The following PTPRT variants were observed in gnomAD, a reference collection of about 807,000 sequenced individuals.
PTPRT encodes the protein receptor-type tyrosine-protein phosphatase T.
In PTPRT, 56 loss-of-function variants were observed where a neutral mutation model predicts 176.8. The observed-to-expected ratio is 0.32, with a 90% CI of 0.26 to 0.40. The LOEUF (loss-of-function observed/expected upper bound fraction) is 0.40, where lower values mean the gene tolerates loss of function less well. PTPRT is among the 10% of genes least tolerant of loss of function. PTPRT has a pLI of 1.00. For missense variants in PTPRT, 1,540 were observed against 1,908.2 expected (o/e 0.81, Z 3.60); for synonymous variants, 783 against 739.0 (o/e 1.06, Z -0.96).
intron 1 of PTPRT, among the ~76,000 whole-genome samples, chr20:43,020,069 T>G (rs2146173863): frequency 6.7e-6 from 1 of 149,172 alleles, no homozygotes; most frequent in East Asian, 1.9e-4. Flanking sequence ...TCTCCCTCTC[T>G]TTCTATATAT....
At chr20:42,312,759 T>C (rs2145361382) in intron 12 of PTPRT, among the ~76,000 whole-genome samples, 1 of 150,672 alleles carries the variant, frequency 6.6e-6, no homozygotes, top group Middle Eastern at 3.5e-3. Context: ...TCTGAAGCAG[T>C]GTCAAAACTG....
At chr20:42,414,475 T>G (rs145172287) in intron 9 of PTPRT, among the ~76,000 whole-genome samples, 9 of 152,200 alleles carry the variant, frequency 5.9e-5, no homozygotes, top group African/African-American at 2.2e-4. Flanking sequence ...AAAACAGTTA[T>G]TATTTGCAGG....
chr20:42,822,591 A>G (rs1263533626), intron 2 of PTPRT, among the ~76,000 whole-genome samples: 6 of 152,220 alleles, frequency 3.9e-5, no homozygotes, highest in Non-Finnish European at 4.4e-5. Context: ...CAGCAAAAGA[A>G]ACTAGCATCA....
chr20:43,090,853 A>G (rs891590788), intron 1 of PTPRT, among the ~76,000 whole-genome samples: 8 of 152,186 alleles, frequency 5.3e-5, no homozygotes, highest in African/African-American at 1.7e-4. Context: ...TACCAAAAAT[A>G]TATATATACT....
At chr20:42,364,435 T>A (rs527711313) in intron 9 of PTPRT, among the ~76,000 whole-genome samples, 1 of 152,286 alleles carries the variant, frequency 6.6e-6, no homozygotes, top group Non-Finnish European at 1.5e-5. Context: ...TGTAAGAAAT[T>A]GTATTCGCCC....
chr20:42,565,912 A>G (rs1361099074), intron 7 of PTPRT, among the ~76,000 whole-genome samples: 1 of 151,826 alleles, frequency 6.6e-6, no homozygotes, highest in African/African-American at 2.4e-5. Context: ...TCTGCTTCAT[A>G]TACACTCCTA....
intron 7 of PTPRT, among the ~76,000 whole-genome samples, chr20:42,628,943 TTAGCAAGAAAG>T (rs1274480101): frequency 3.3e-5 from 5 of 152,162 alleles, no homozygotes; most frequent in African/African-American, 1.2e-4. Context: ...CCAGTAATAC[TTAGCAAGAAAG>T]TAGCAGAGTC....
intron 9 of PTPRT, among the ~76,000 whole-genome samples, chr20:42,405,161 C>T (rs2058948466): frequency 1.3e-5 from 2 of 150,582 alleles, no homozygotes; most frequent in South Asian, 4.2e-4. Context: ...TTCTGTTATA[C>T]AAGTGATTTC....
chr20:42,799,740 AT>A (rs961447379), intron 2 of PTPRT, among the ~76,000 whole-genome samples: 55 of 152,314 alleles, frequency 3.6e-4, no homozygotes, highest in Non-Finnish European at 7.5e-4. Context: ...CTATGCACCC[AT>A]TTTAACCACA....
At chr20:42,986,401 A>G (rs1450898152) in intron 1 of PTPRT, among the ~76,000 whole-genome samples, 2 of 152,158 alleles carry the variant, frequency 1.3e-5, no homozygotes, top group African/African-American at 4.8e-5. Flanking sequence ...GCGTTTGATG[A>G]AAATAGACCT....
At chr20:42,883,360 G>A (rs1237890153) in intron 2 of PTPRT, among the ~76,000 whole-genome samples, 1 of 152,070 alleles carries the variant, frequency 6.6e-6, no homozygotes, top group Non-Finnish European at 1.5e-5. Flanking sequence ...GAAGTAAAAT[G>A]GCAGAACAAA....
intron 7 of PTPRT, among the ~76,000 whole-genome samples, chr20:42,676,128 C>A (rs1458574785): frequency 6.6e-6 from 1 of 152,160 alleles, no homozygotes; most frequent in Admixed American, 6.5e-5. Flanking sequence ...GATTCTGGAG[C>A]ATTTTGGATT....
intron 1 of PTPRT, among the ~76,000 whole-genome samples, chr20:42,975,390 G>A (rs912932947): frequency 2.6e-5 from 4 of 152,008 alleles, no homozygotes; most frequent in African/African-American, 7.2e-5. Flanking sequence ...AAATACCACC[G>A]ATGATTATCT....
chr20:42,217,017 C>A (rs1444955109), intron 15 of PTPRT, among the ~76,000 whole-genome samples: 3 of 152,154 alleles, frequency 2.0e-5, no homozygotes, highest in Non-Finnish European at 2.9e-5. Flanking sequence ...GGAATGCCAT[C>A]TTCTGCCCCA....
intron 18 of PTPRT, among the ~76,000 whole-genome samples, chr20:42,133,656 A>C (rs59996685): frequency 0.032 from 4,838 of 152,310 alleles, 248 homozygotes; most frequent in African/African-American, 0.11. Context: ...AGAACTGTAC[A>C]ACATAAAAAG....
Position 42,248,709 on chromosome 20 carries a change from C to T in PTPRT, c.2290G>A (p.Val764Met), listed in dbSNP as rs747289224. Residue 764 changes from valine to methionine, a missense_variant, in exon 14 of 31, where the codon GTG (valine) becomes ATG (methionine). Val to Met is a conservative substitution (Grantham distance 21, BLOSUM62 1). Coordinates refer to ENST00000373187, the MANE Select transcript of PTPRT (RefSeq NM_007050.6). The stretch of plus-strand genomic sequence containing the variant: ...CACCTCCTTTTGATGGTGAGCATCA[C>T]GCCCAGGAGAATGATGATGAACATG... ...LLMFIIILLG[V>M]MLTIKRRRNA... The T allele has an allele frequency of 2.1e-5, 34 of 1,613,832 alleles. No homozygotes were observed. In the East Asian group the frequency reaches 5.3e-4, roughly 25 times the overall value.
chr20:42,847,375 C>T (rs1401236616), intron 2 of PTPRT, among the ~76,000 whole-genome samples: 3 of 152,126 alleles, frequency 2.0e-5, no homozygotes, highest in Non-Finnish European at 4.4e-5. Flanking sequence ...TCTTACTCCC[C>T]GCCCCCCTCT....
chr20:42,198,131 T>A (rs1033282662), intron 16 of PTPRT, among the ~76,000 whole-genome samples: 2 of 152,190 alleles, frequency 1.3e-5, no homozygotes, highest in African/African-American at 4.8e-5. Context: ...TTAGGAATCA[T>A]GGGCCTGAGT....
intron 11 of PTPRT, among the ~76,000 whole-genome samples, chr20:42,324,506 T>C (rs1449674923): frequency 6.6e-6 from 1 of 152,232 alleles, no homozygotes; most frequent in Non-Finnish European, 1.5e-5. Context: ...GGTAAATTTA[T>C]GGTATGTAAA....
Sources: allele counts gnomAD v4.1 joint callset (sites outside exome capture counted in the v4.1 genomes callset), GRCh38; gene constraint gnomAD v4.1.1; transcripts MANE v1.5; gene names NCBI Gene and HGNC (gene_info 2026-07-23, HGNC 2026-07-21).